Variants in PRKAG2 observed in about 807,000 individuals in gnomAD.
PRKAG2 encodes the protein 5'-AMP-activated protein kinase subunit gamma-2.
Under a neutral mutation model 69.6 loss-of-function variants are expected in PRKAG2, and 26 were observed. The observed-to-expected ratio is 0.37, with a 90% CI of 0.27 to 0.52. The LOEUF is 0.52. PRKAG2 is among the 20% of genes least tolerant of loss of function. The probability of loss-of-function intolerance (pLI) is 0.90; values close to 1 mark genes in which losing one functional copy is unlikely to be tolerated. For synonymous variants in PRKAG2, 293 were observed against 285.0 expected, an observed-to-expected ratio of 1.03 and a Z score of -0.28; for missense variants, 557 against 740.0, an observed-to-expected ratio of 0.75 and a Z score of 2.87.
chr7:151,578,448 A>G (rs1249689257), intron 6 of PRKAG2, among the ~76,000 whole-genome samples: 1 of 152,154 alleles, frequency 6.6e-6, no homozygotes, highest in Non-Finnish European at 1.5e-5. Context: ...TAGGACTAAT[A>G]ACTTAGTACC....
At chr7:151,854,714 C>T (rs1008102488) in intron 1 of PRKAG2, among the ~76,000 whole-genome samples, 5 of 152,214 alleles carry the variant, frequency 3.3e-5, no homozygotes, top group Non-Finnish European at 7.4e-5. Flanking sequence ...GGCATGAGTA[C>T]GGCCACAGAA....
intron 14 of PRKAG2, 107 bp from the exon 15 acceptor site, chr7:151,560,724 C>T: frequency 7.1e-7 from 1 of 1,410,164 alleles, no homozygotes; most frequent in Non-Finnish European, 9.8e-7. Flanking sequence ...ACACATCCCT[C>T]CAGCCTGGGG....
At chr7:151,809,785 A>T (rs1353361616) in intron 1 of PRKAG2, 2 of 154,152 alleles carry the variant, frequency 1.3e-5, no homozygotes, top group Non-Finnish European at 2.9e-5. Context: ...GATAAGCAGC[A>T]ATCACCCTTC....
chr7:151,742,037 T>A lies in PRKAG2; in HGVS notation c.466+39115A>T, dbSNP rs2073930128. Reference sequence around the variant, plus strand: ...GAGCAGGGCAGGTATAATTAACATTTCATTGAAATTGAATAACTGAGGGTC... The same window carrying A: ...GAGCAGGGCAGGTATAATTAACATTACATTGAAATTGAATAACTGAGGGTC... On this transcript the variant is annotated intron_variant, in intron 3 of 15. Coordinates refer to ENST00000287878, the MANE Select transcript of PRKAG2 (RefSeq NM_016203.4). Among the ~76,000 whole-genome samples the A allele has an allele frequency of 2.6e-5, 4 of 152,376 alleles. No homozygotes were observed. The South Asian group carries it at 8.3e-4, about 32-fold the overall frequency.
chr7:151,866,227 G>A (rs888430106), intron 1 of PRKAG2, among the ~76,000 whole-genome samples: 38 of 152,244 alleles, frequency 2.5e-4, no homozygotes, highest in Non-Finnish European at 4.0e-4. Context: ...CAGCCTGACC[G>A]TCCAGCCTCA....
intron 11 of PRKAG2, 62 bp downstream of exon 11, chr7:151,568,654 T>C (rs1462694269): frequency 1.3e-6 from 2 of 1,576,396 alleles, no homozygotes; most frequent in African/African-American, 2.7e-5. Flanking sequence ...CCAATTTACT[T>C]GAAGTACATT....
At chr7:151,729,947 G>A (rs949422425) in intron 3 of PRKAG2, among the ~76,000 whole-genome samples, 1 of 152,182 alleles carries the variant, frequency 6.6e-6, no homozygotes, top group Non-Finnish European at 1.5e-5. Flanking sequence ...AACACTACGT[G>A]ATTCTATTTC....
intron 3 of PRKAG2, among the ~76,000 whole-genome samples, chr7:151,683,367 C>A (rs1423055931): frequency 6.6e-6 from 1 of 152,188 alleles, no homozygotes; most frequent in Non-Finnish European, 1.5e-5. Flanking sequence ...TCTGGTTTTA[C>A]CACTAAGTTG....
chr7:151,730,856 G>A (rs552402830), intron 3 of PRKAG2, among the ~76,000 whole-genome samples: 2 of 152,312 alleles, frequency 1.3e-5, no homozygotes, highest in East Asian at 1.9e-4. Context: ...TGGGCAAGAA[G>A]CCGTTGCGTA....
chr7:151,706,836 T>TC (rs1838713056), intron 3 of PRKAG2, among the ~76,000 whole-genome samples: 1 of 152,146 alleles, frequency 6.6e-6, no homozygotes, highest in Admixed American at 6.5e-5. Context: ...CCACGGTGGT[T>TC]CCCCATGCAT....
At position 151,632,048 on chromosome 7, in the gene PRKAG2, C is replaced by T; in HGVS notation, c.754+21G>A. The T allele has an allele frequency of 7.4e-7, 1 of 1,353,142 alleles. No individual in the cohort carries two copies. The allele number at this position is 1,353,142 out of a possible 1,614,324, so 83.8% of individuals were successfully genotyped here. A position where few individuals can be genotyped will look rare whatever the true frequency, so the allele number is the denominator to read the frequency against. ...CCGGGCCGTGGGAGCGCCGGGCCGG[C>T]AGCGGGCGGGGCGCACTCACCTTCG... is the stretch of plus-strand genomic sequence containing the variant. On this transcript the variant is annotated intron_variant, in intron 5 of 15. Coordinates refer to ENST00000287878, the MANE Select transcript of PRKAG2 (RefSeq NM_016203.4). The surrounding 1 kb of genome is among the most constrained non-coding windows in gnomAD (Gnocchi z 4.2).
intron 1 of PRKAG2, among the ~76,000 whole-genome samples, chr7:151,815,564 A>G (rs898652553): frequency 3.9e-5 from 6 of 152,122 alleles, no homozygotes; most frequent in Non-Finnish European, 8.8e-5. Context: ...TCTTGCCTGC[A>G]TCTCCCCCTT....
intron 5 of PRKAG2, among the ~76,000 whole-genome samples, chr7:151,600,993 G>C (rs1815920698): frequency 6.6e-6 from 1 of 152,202 alleles, no homozygotes; most frequent in African/African-American, 2.4e-5. Context: ...CGGTGAAGTA[G>C]TGACCCAAGC....
intron 4 of PRKAG2, among the ~76,000 whole-genome samples, chr7:151,672,002 C>T (rs985604168): frequency 2.6e-5 from 4 of 151,742 alleles, no homozygotes; most frequent in Admixed American, 6.6e-5. Flanking sequence ...GATAAATATA[C>T]ATAAAAGTTA....
At chr7:151,863,789 C>T (rs572039497) in intron 1 of PRKAG2, among the ~76,000 whole-genome samples, 6 of 152,072 alleles carry the variant, frequency 3.9e-5, no homozygotes, top group East Asian at 1.9e-4. Context: ...GTGGCACCTG[C>T]GGTCCCGGCT....
At position 151,776,013 on chromosome 7, in the gene PRKAG2, A is replaced by G. The variant is rs78229255; in HGVS notation, c.466+5139T>C. Among the ~76,000 whole-genome samples, 360 of 152,378 alleles carry G rather than the reference A, an allele frequency of 2.4e-3. 1 individual carries two copies. The highest frequency in any genetic ancestry group is 8.2e-3 in the African/African-American group (341 of 41,592). ...TCATGCCAGGCACAAATGAACGGCC[A>G]TCTGGAAGGAGCTCAGGGTGACCTC... On this transcript the variant is annotated intron_variant, in intron 3 of 15. Coordinates refer to ENST00000287878, the MANE Select transcript of PRKAG2 (RefSeq NM_016203.4).
intron 1 of PRKAG2, among the ~76,000 whole-genome samples, chr7:151,821,053 G>GTAGAAGAGAGAGCCTCCAACCCCACGGAC (rs1216334379): frequency 9.9e-5 from 15 of 151,918 alleles, no homozygotes; most frequent in South Asian, 2.1e-4. Flanking sequence ...CAGAAGGAAA[G>GTAGAAGAGAGAGCCTCCAACCCCACGGAC]CTGTGGAGAC....
chr7:151,756,433 A>G lies in PRKAG2; in HGVS notation c.466+24719T>C, dbSNP rs1275004523. On this transcript the variant is annotated intron_variant, in intron 3 of 15. Coordinates refer to ENST00000287878, the MANE Select transcript of PRKAG2 (RefSeq NM_016203.4). This position sits in a 1 kb window ranked among gnomAD's most constrained non-coding sequence, Gnocchi z 4.9. ...GGGCACCCCGCTCAGCACATGGCTC[A>G]GGCACACGCAACGACTCAGTGGTGC... 6.6e-6 allele frequency among the ~76,000 whole-genome samples: 1 copy of G among 152,224 alleles called. No individual in the cohort carries two copies. The highest frequency in any genetic ancestry group is 6.5e-5 in the Admixed American group (1 of 15,292).
intron 1 of PRKAG2, among the ~76,000 whole-genome samples, chr7:151,789,312 G>A (rs1040162756): frequency 4.6e-5 from 7 of 152,212 alleles, no homozygotes; most frequent in Middle Eastern, 3.4e-3. Flanking sequence ...ATTTATTTGC[G>A]TGTCTTCTTT....
Sources: allele counts gnomAD v4.1 joint callset (sites outside exome capture counted in the v4.1 genomes callset), GRCh38; gene constraint gnomAD v4.1.1; non-coding constraint Gnocchi (gnomAD v3.1); transcripts MANE v1.5; gene names NCBI Gene and HGNC (gene_info 2026-07-23, HGNC 2026-07-21).